LPP: variants seen among roughly 807,000 people sequenced by gnomAD.
The protein encoded by LPP is LIM domain containing preferred translocation partner in lipoma, also known as lipoma-preferred partner.
LPP carries 38 observed loss-of-function variants against 60.4 expected under a neutral mutation model. The observed-to-expected ratio is 0.63, with a 90% CI of 0.49 to 0.83. The LOEUF (loss-of-function observed/expected upper bound fraction) is 0.83. Among genes scored for constraint, LPP ranks in the 40% least tolerant of loss-of-function variants. The probability of loss-of-function intolerance (pLI) is 0.00; values close to 1 mark genes in which losing one functional copy is unlikely to be tolerated. For synonymous variants in LPP, 328 were observed against 290.8 expected (o/e 1.13, Z -1.30); for missense variants, 902 against 783.6 (o/e 1.15, Z -1.80).
intron 7 of LPP, among the ~76,000 whole-genome samples, chr3:188,625,927 T>C (rs908567045): frequency 2.0e-5 from 3 of 152,156 alleles, no homozygotes; most frequent in African/African-American, 4.8e-5. Flanking sequence ...TTTGTAAAAA[T>C]GTATGTGCAA....
chr3:188,884,758 C>G lies in LPP; in HGVS notation c.*10279C>G, dbSNP rs1192826037. 1 of 225,672 alleles carries G rather than the reference C, an allele frequency of 4.4e-6. No individual in the cohort carries two copies. Among genetic ancestry groups the G allele is most frequent in the East Asian group, 6.4e-5 (1 of 15,664 alleles). 14.0% of individuals were successfully genotyped at this position (225,672 alleles called of 1,614,324 possible). On this transcript the variant is annotated 3_prime_UTR_variant, in exon 12 of 12. Coordinates refer to ENST00000617246, the MANE Select transcript of LPP (RefSeq NM_001375462.1). ...TACGTTCCACAGAGGCAGAAACCGC[C>G]GTAGGTTAGCAATGCATTTTAGTCT...
intron 2 of LPP, among the ~76,000 whole-genome samples, chr3:188,241,755 T>C (rs1031074836): frequency 5.3e-5 from 8 of 152,198 alleles, no homozygotes; most frequent in African/African-American, 1.9e-4. Context: ...TACTACTATA[T>C]ACGTAATTTC....
In LPP at chr3:188,467,090, A is replaced by G. The variant is rs117223091; in HGVS notation, c.194-17502A>G. 3.7e-4 allele frequency among the ~76,000 whole-genome samples: 56 copies of G among 151,672 alleles called. 1 individual carries two copies. In the East Asian group the frequency reaches 9.7e-3, roughly 26 times the overall value. ...AATCTTTTTGAGGGATAGTTTCCTT[A>G]TCCATAAAATGGACCTAAGAAAAGC... is the stretch of plus-strand genomic sequence containing the variant. On this transcript the variant is annotated intron_variant, in intron 4 of 11. Transcript: ENST00000617246.
chr3:188,213,450 G>T (rs984900509), intron 1 of LPP, among the ~76,000 whole-genome samples: 24 of 152,068 alleles, frequency 1.6e-4, no homozygotes, highest in African/African-American at 5.3e-4. Context: ...CTCTCAGTTC[G>T]TTCTCCTTCC....
intron 6 of LPP, among the ~76,000 whole-genome samples, chr3:188,533,130 C>G (rs1822630561): frequency 6.6e-6 from 1 of 152,092 alleles, no homozygotes; most frequent in South Asian, 2.1e-4. Flanking sequence ...TATAAGAATT[C>G]ATGTGGTCTG....
rs1769085790 is a variant in LPP at position 188,875,034 on chromosome 3, T to G, written c.*555T>G. ...TTTTTTTTGTTAGGCTGTAAAGAAT[T>G]TAAGCTGTAAATTACATAAGTTAGA... is the stretch of plus-strand genomic sequence containing the variant. On this transcript the variant is annotated 3_prime_UTR_variant, in exon 12 of 12. Coordinates refer to ENST00000617246, the MANE Select transcript of LPP (RefSeq NM_001375462.1). 4.5e-6 allele frequency: 1 copy of G among 222,686 alleles called. No homozygotes were observed. Among genetic ancestry groups the G allele is most frequent in the South Asian group, 1.8e-4 (1 of 5,462 alleles). The allele number at this position is 222,686 out of a possible 1,614,324, so 13.8% of individuals were successfully genotyped here. A position where few individuals can be genotyped will look rare whatever the true frequency, so the allele number is the denominator to read the frequency against.
At chr3:188,410,571 AG>A (rs1166772717) in intron 4 of LPP, among the ~76,000 whole-genome samples, 1 of 152,126 alleles carries the variant, frequency 6.6e-6, no homozygotes, top group Non-Finnish European at 1.5e-5. Flanking sequence ...TTTAGATCTC[AG>A]GGTCCTTTTA....
At chr3:188,775,663 G>T (rs1037138748) in intron 9 of LPP, among the ~76,000 whole-genome samples, 1 of 152,192 alleles carries the variant, frequency 6.6e-6, no homozygotes, top group Non-Finnish European at 1.5e-5. Context: ...AAAGCTGCTG[G>T]AATAACGATG....
intron 9 of LPP, among the ~76,000 whole-genome samples, chr3:188,766,277 G>A (rs1428889866): frequency 1.3e-5 from 2 of 150,670 alleles, no homozygotes; most frequent in Non-Finnish European, 2.9e-5. Flanking sequence ...ATAACCACCT[G>A]ACTCATGCTT....
rs571664482 is a variant in LPP, at chr3:188,808,390, G to A, written c.1410+48108G>A. Reference sequence around the variant, plus strand: ...CCTTCAGTTTTAGAGAGGCAGTGTGGCTGTGAGTCTCCGAAGCAGGCTGTT... The same window carrying A: ...CCTTCAGTTTTAGAGAGGCAGTGTGACTGTGAGTCTCCGAAGCAGGCTGTT... On this transcript the variant is annotated intron_variant, in intron 9 of 11. Coordinates refer to ENST00000617246, the MANE Select transcript of LPP (RefSeq NM_001375462.1). 2.0e-5 allele frequency among the ~76,000 whole-genome samples: 3 copies of A among 152,208 alleles called. No individual in the cohort carries two copies. The East Asian group carries it at 5.8e-4, about 29-fold the overall frequency.
chr3:188,874,032 G>A (rs1235843101), intron 11 of LPP, among the ~76,000 whole-genome samples: 1 of 151,996 alleles, frequency 6.6e-6, no homozygotes, highest in Non-Finnish European at 1.5e-5. Flanking sequence ...GTTGAGTGGG[G>A]GCAGCAAACT....
intron 8 of LPP, among the ~76,000 whole-genome samples, chr3:188,747,755 G>A (rs1361081023): frequency 6.6e-6 from 1 of 152,150 alleles, no homozygotes; most frequent in Non-Finnish European, 1.5e-5. Context: ...TTCCCTAGAC[G>A]TCACTTCAGC....
chr3:188,299,955 T>A (rs1749206839), intron 2 of LPP, among the ~76,000 whole-genome samples: 1 of 152,214 alleles, frequency 6.6e-6, no homozygotes, highest in African/African-American at 2.4e-5. Context: ...ATGAAAGTAC[T>A]CTGTAAACAG....
intron 5 of LPP, among the ~76,000 whole-genome samples, chr3:188,510,881 C>T (rs1223720396): frequency 6.6e-6 from 1 of 151,562 alleles, no homozygotes; most frequent in South Asian, 2.1e-4. Flanking sequence ...TACTTTCTCT[C>T]TTTCCTCTCT....
At chr3:188,239,731 A>G in intron 2 of LPP, 1 of 217,960 alleles carries the variant, frequency 4.6e-6, no homozygotes, top group Non-Finnish European at 9.2e-6. Context: ...AAATAAACAA[A>G]TAAACAAGCA....
intron 6 of LPP, among the ~76,000 whole-genome samples, chr3:188,533,262 T>C (rs1249386843): frequency 6.6e-6 from 1 of 152,156 alleles, no homozygotes; most frequent in Non-Finnish European, 1.5e-5. Context: ...TAATTAGTAA[T>C]TAAAATGTTT....
chr3:188,772,823 G>A (rs540568343), intron 9 of LPP, among the ~76,000 whole-genome samples: 2 of 152,054 alleles, frequency 1.3e-5, no homozygotes, highest in East Asian at 3.9e-4. Context: ...GGATTTGGGG[G>A]GAGCCTGTGT....
intron 6 of LPP, among the ~76,000 whole-genome samples, chr3:188,554,637 A>AGC (rs930980044): frequency 6.6e-6 from 1 of 152,192 alleles, no homozygotes; most frequent in Non-Finnish European, 1.5e-5. Flanking sequence ...TCTATGACTC[A>AGC]CAATCCAAAT....
chr3:188,449,083 A>G lies in LPP; in HGVS notation c.194-35509A>G, dbSNP rs60104580. 5.5e-3 allele frequency among the ~76,000 whole-genome samples: 840 copies of G among 152,338 alleles called. 5 individuals are homozygous for G. Among genetic ancestry groups the G allele is most frequent in the African/African-American group, 0.019 (778 of 41,582 alleles). On this transcript the variant is annotated intron_variant, in intron 4 of 11. Coordinates refer to ENST00000617246, the MANE Select transcript of LPP (RefSeq NM_001375462.1). ...AGGAAATCCAAAAGACGTTGGAAGC[A>G]ACAACAATAGCTCTGAGGTCCTTGG... is the stretch of plus-strand genomic sequence containing the variant.
Sources: allele counts gnomAD v4.1 joint callset (sites outside exome capture counted in the v4.1 genomes callset), GRCh38; gene constraint gnomAD v4.1.1; transcripts MANE v1.5; gene names NCBI Gene and HGNC (gene_info 2026-07-23, HGNC 2026-07-21).